The following ITIH5 variants were observed in gnomAD, a reference collection of about 807,000 sequenced individuals.
ITIH5 encodes the protein inter-alpha-trypsin inhibitor heavy chain H5.
ITIH5 carries 65 observed loss-of-function variants against 77.5 expected under a neutral mutation model. The ratio of observed to expected loss-of-function variants is 0.84; its 90% CI spans 0.69 to 1.03. The LOEUF is 1.03. Among genes scored for constraint, ITIH5 ranks in the 50% least tolerant of loss-of-function variants. The pLI, the probability that ITIH5 is intolerant of heterozygous loss-of-function variation, is 0.00. For missense variants in ITIH5, 1,208 were observed against 1,213.1 expected, an observed-to-expected ratio of 1.00 and a Z score of 0.06; for synonymous variants, 525 against 494.3, an observed-to-expected ratio of 1.06 and a Z score of -0.82.
intron 7 of ITIH5, among the ~76,000 whole-genome samples, chr10:7,605,647 A>T (rs955083386): frequency 1.3e-5 from 2 of 152,080 alleles, no homozygotes; most frequent in African/African-American, 4.8e-5. Context: ...GAACCCAAGA[A>T]GTGGGGGGCT....
At chr10:7,589,831 A>C (rs777804754) in intron 7 of ITIH5, among the ~76,000 whole-genome samples, 7 of 152,030 alleles carry the variant, frequency 4.6e-5, no homozygotes, top group Non-Finnish European at 7.4e-5. Context: ...TGTCAAGTCT[A>C]TGCTGTTCCC....
chr10:7,569,365 A>G lies in ITIH5; in HGVS notation c.2149+303T>C, dbSNP rs1337177873. 3.1e-5 allele frequency: 8 copies of G among 258,916 alleles called. No homozygotes were observed. The Admixed American group carries it at 3.2e-4, about 10-fold the overall frequency. The allele number at this position is 258,916 out of a possible 1,614,324, so 16.0% of individuals were successfully genotyped here. A position where few individuals can be genotyped will look rare whatever the true frequency, so the allele number is the denominator to read the frequency against. ...ACTTCAGCATTTAAAAAACAACTTC[A>G]TAACCAGTTTCATTTGATCCATTTT... On this transcript the variant is annotated intron_variant, in intron 12 of 13. Transcript: ENST00000397146.
intron 13 of ITIH5, among the ~76,000 whole-genome samples, chr10:7,564,070 C>T (rs972836036): frequency 2.6e-5 from 4 of 152,262 alleles, no homozygotes; most frequent in African/African-American, 4.8e-5. Flanking sequence ...GGCACGGCCA[C>T]GTGGGTGCCC....
chr10:7,576,640 C>G lies in ITIH5; in HGVS notation c.1791G>C (p.Glu597Asp), dbSNP rs1370709330. Residue 597 changes from glutamate (E) to aspartate (D), a missense_variant, in exon 10 of 14, where the codon GAG (glutamate) becomes GAC (aspartate). Coordinates refer to ENST00000397146, the MANE Select transcript of ITIH5 (RefSeq NM_030569.7). ...SSWLQSDDEPEKERLRQRAQA... is the reference protein window; with the variant it reads ...SSWLQSDDEPDKERLRQRAQA... ...GGGCCCGCTGCCGCAGCCGCTCCTT[C>G]TCCGGTTCATCGTCACTTTGCAGCC... 1 of 1,614,226 alleles carries G rather than the reference C, an allele frequency of 6.2e-7. No homozygotes were observed. Among genetic ancestry groups the G allele is most frequent in the Admixed American group, 1.7e-5 (1 of 60,032 alleles).
Position 7,641,924 on chromosome 10 carries a change from T to C in ITIH5, c.299+3A>G, listed in dbSNP as rs765116015. ...CTTCATCCCTGACCAGCGTGTCACCTACATAGTGAAGTTGGTGATGAAAGC... is the reference window on the plus strand; with the variant it reads ...CTTCATCCCTGACCAGCGTGTCACCCACATAGTGAAGTTGGTGATGAAAGC... On this transcript the variant is annotated splice_donor_region_variant and intron_variant, in intron 3 of 13. Coordinates refer to ENST00000397146, the MANE Select transcript of ITIH5 (RefSeq NM_030569.7). 6.2e-7 allele frequency: 1 copy of C among 1,613,542 alleles called. No homozygotes were observed. Among genetic ancestry groups the C allele is most frequent in the South Asian group, 1.1e-5 (1 of 91,046 alleles).
chr10:7,612,082 C>T (rs4747543), intron 7 of ITIH5, among the ~76,000 whole-genome samples: 149,984 of 152,276 alleles, frequency 0.98, 73,903 homozygotes, highest in Middle Eastern at 1. Context: ...TGAATTGGTA[C>T]TCTTTGCCCC....
chr10:7,610,266 C>G (rs998970200), intron 7 of ITIH5, among the ~76,000 whole-genome samples: 6 of 152,028 alleles, frequency 3.9e-5, no homozygotes, highest in Non-Finnish European at 8.8e-5. Flanking sequence ...TGTTCCCAAG[C>G]CAGGCAGGTC....
Position 7,559,488 on chromosome 10 carries a change from G to C in ITIH5, c.*3595C>G, listed in dbSNP as rs1355864236. Reference sequence around the variant, plus strand: ...TACATTTATAAGTATTTGCTTAGCTGTGTTATTTGTTATTTATTTTAGCTG... The same window carrying C: ...TACATTTATAAGTATTTGCTTAGCTCTGTTATTTGTTATTTATTTTAGCTG... On this transcript the variant is annotated 3_prime_UTR_variant, in exon 14 of 14. Transcript: ENST00000397146. 1 of 163,594 alleles carries C rather than the reference G, an allele frequency of 6.1e-6. No homozygotes were observed. The highest frequency in any genetic ancestry group is 2.4e-5 in the African/African-American group (1 of 41,558). The allele number at this position is 163,594 out of a possible 1,614,324, so 10.1% of individuals were successfully genotyped here.
intron 5 of ITIH5, among the ~76,000 whole-genome samples, chr10:7,628,631 T>C (rs933467291): frequency 2.0e-5 from 3 of 151,842 alleles, no homozygotes; most frequent in African/African-American, 7.3e-5. Flanking sequence ...GATGTGTCCA[T>C]GTTGTACCAT....
Position 7,569,749 on chromosome 10 carries a change from G to A in ITIH5, c.2068C>T (p.Leu690=), listed in dbSNP as rs1451760320. ...TTGAAGCACACGGTGAGTCTGCTCA[G>A]GGGGAAATCCACAACAAAGTGGGGA... ...GDPHFVVDFP[L]SRLTVCFNID... is the part of the protein sequence containing the mutation. Residue 690 remains leucine (L), a synonymous_variant, in exon 12 of 14, where the codon CTG becomes TTG. Transcript: ENST00000397146. The A allele has an allele frequency of 1.9e-6, 3 of 1,611,928 alleles. No individual in the cohort carries two copies. The African/African-American group carries it at 4.0e-5, about 22-fold the overall frequency.
chr10:7,656,964 G>A (rs1400698955), intron 1 of ITIH5, among the ~76,000 whole-genome samples: 1 of 150,490 alleles, frequency 6.6e-6, no homozygotes, highest in East Asian at 2.0e-4. Flanking sequence ...GGCTGGTCTC[G>A]AACTCCTGAC....
chr10:7,601,554 G>A (rs576711700), intron 7 of ITIH5, among the ~76,000 whole-genome samples: 82 of 152,212 alleles, frequency 5.4e-4, no homozygotes, highest in African/African-American at 1.9e-3. Flanking sequence ...CAGCAGCATC[G>A]ACCTCCCTCC....
At chr10:7,597,984 G>C (rs967042791) in intron 7 of ITIH5, among the ~76,000 whole-genome samples, 2 of 151,680 alleles carry the variant, frequency 1.3e-5, no homozygotes, top group African/African-American at 2.4e-5. Flanking sequence ...AATGTATTTG[G>C]GTCCATATCA....
chr10:7,633,005 A>C, intron 5 of ITIH5, among the ~76,000 whole-genome samples: 1 of 152,218 alleles, frequency 6.6e-6, no homozygotes, highest in East Asian at 1.9e-4. Context: ...ACCAGCCTTA[A>C]AACAATCACA....
rs561535861 is a variant in ITIH5, at chr10:7,572,090, G to C, written c.2032+1052C>G. 4 of 1,035,664 alleles carry C rather than the reference G, an allele frequency of 3.9e-6. No homozygotes were observed. In the Admixed American group the frequency reaches 1.5e-4, roughly 40 times the overall value. The allele number at this position is 1,035,664 out of a possible 1,614,324, so 64.2% of individuals were successfully genotyped here. On this transcript the variant is annotated intron_variant, in intron 11 of 13. Transcript: ENST00000397146. ...TACTCCAGGCAGCATCCAAGAGGAA[G>C]CTTTTCTGGCATTCCATAAAGCCTG... is the stretch of plus-strand genomic sequence containing the variant.
At chr10:7,569,624 TA>T in intron 12 of ITIH5, 43 bp downstream of exon 12, 1 of 1,305,482 alleles carries the variant, frequency 7.7e-7, no homozygotes, top group Non-Finnish European at 1.1e-6. Context: ...ATGCAGTACC[TA>T]CCTGGTCCTT....
At chr10:7,621,238 G>C (rs1283775309) in intron 5 of ITIH5, 1 of 152,184 alleles carries the variant, frequency 6.6e-6, no homozygotes, top group Non-Finnish European at 1.5e-5. Flanking sequence ...CTCTCTTTAT[G>C]CTGCCAGCAT....
intron 7 of ITIH5, among the ~76,000 whole-genome samples, chr10:7,598,325 C>T (rs915633586): frequency 1.3e-5 from 2 of 152,062 alleles, no homozygotes; most frequent in African/African-American, 4.8e-5. Context: ...TTTCTACTGG[C>T]CAAAATATTT....
chr10:7,570,737 C>G (rs1832280479), intron 11 of ITIH5, among the ~76,000 whole-genome samples: 1 of 152,206 alleles, frequency 6.6e-6, no homozygotes, highest in African/African-American at 2.4e-5. Flanking sequence ...GTCCTCCCAC[C>G]TCAGCCTCCT....
Sources: allele counts gnomAD v4.1 joint callset (sites outside exome capture counted in the v4.1 genomes callset), GRCh38; gene constraint gnomAD v4.1.1; transcripts MANE v1.5; gene names NCBI Gene and HGNC (gene_info 2026-07-23, HGNC 2026-07-21).